Variants in NSUN6 observed in about 807,000 individuals in gnomAD.
NSUN6 encodes the protein tRNA (cytosine(72)-C(5))-methyltransferase NSUN6.
In NSUN6, 64 loss-of-function variants were observed where a neutral mutation model predicts 58.0. The observed-to-expected ratio is 1.10, with a 90% confidence interval of 0.90 to 1.36. NSUN6 has a LOEUF of 1.36. Ranked by LOEUF, NSUN6 falls within the 40% of genes most tolerant of loss-of-function variation. The pLI is 0.00. For missense variants in NSUN6, 701 were observed against 550.1 expected (o/e 1.27, Z -2.74); for synonymous variants, 231 against 193.9 (o/e 1.19, Z -1.59).
intron 3 of NSUN6, among the ~76,000 whole-genome samples, chr10:18,628,701 G>C (rs1246132093): frequency 6.6e-6 from 1 of 152,080 alleles, no homozygotes; most frequent in Admixed American, 6.6e-5. Context: ...GGGAAGTTTA[G>C]AGAAAAAAGA....
intron 6 of NSUN6, among the ~76,000 whole-genome samples, chr10:18,609,133 A>AC (rs890010555): frequency 6.6e-6 from 1 of 152,052 alleles, no homozygotes; most frequent in Non-Finnish European, 1.5e-5. Context: ...ACAAAGTGAG[A>AC]CCCCATCTCT....
At chr10:18,584,197 C>T (rs938017242) in intron 8 of NSUN6, among the ~76,000 whole-genome samples, 3 of 152,208 alleles carry the variant, frequency 2.0e-5, no homozygotes. Flanking sequence ...GCCTGCTTGG[C>T]CACTTTTACA....
At chr10:18,657,609 A>AT (rs749060067), upstream of NSUN6, among the ~76,000 whole-genome samples, 1 of 151,546 alleles carries the variant, frequency 6.6e-6, no homozygotes, top group African/African-American at 2.4e-5. Flanking sequence ...CATTTTCTTT[A>AT]TTTTATTTTT....
At chr10:18,587,249 G>A (rs897299975) in intron 7 of NSUN6, among the ~76,000 whole-genome samples, 7 of 152,086 alleles carry the variant, frequency 4.6e-5, no homozygotes, top group Admixed American at 1.3e-4. Context: ...GCTATTAGAC[G>A]GCGGCCTTAA....
In NSUN6 at chr10:18,585,857, GTATACAAAATTA is replaced by G. The variant is rs1027359026; in HGVS notation, c.922+80_922+91del. 18 of 908,514 alleles carry G rather than the reference GTATACAAAATTA, an allele frequency of 2.0e-5. No homozygotes were observed. In the Admixed American group the frequency reaches 4.4e-4, roughly 22 times the overall value. The allele number at this position is 908,514 out of a possible 1,614,324, so 56.3% of individuals were successfully genotyped here. On this transcript the variant is annotated intron_variant, in intron 8 of 10. Transcript: ENST00000377304. ...TAGCTTGTTTTAATCATTCCACATT[GTATACAAAATTA>G]TATACATGTCAAAACATCACACTGT...
chr10:18,631,780 C>T (rs2059039019), intron 3 of NSUN6, among the ~76,000 whole-genome samples: 1 of 151,604 alleles, frequency 6.6e-6, no homozygotes. Context: ...GAAGAACATT[C>T]CATGCTCATG....
intron 2 of NSUN6, among the ~76,000 whole-genome samples, chr10:18,645,041 C>G (rs2059503197): frequency 6.6e-6 from 1 of 150,874 alleles, no homozygotes; most frequent in East Asian, 2.0e-4. Context: ...ACCTGTAATC[C>G]CAGCTACTCA....
intron 3 of NSUN6, among the ~76,000 whole-genome samples, chr10:18,627,747 G>C (rs1031667469): frequency 6.6e-6 from 1 of 152,244 alleles, no homozygotes; most frequent in African/African-American, 2.4e-5. Flanking sequence ...CCCGCGGCTC[G>C]GAGGGTCCTA....
chr10:18,650,571 A>T (rs1405770444), intron 1 of NSUN6, among the ~76,000 whole-genome samples: 2 of 152,162 alleles, frequency 1.3e-5, no homozygotes, highest in African/African-American at 4.8e-5. Flanking sequence ...ACCTTTGTTC[A>T]TTACACCTGA....
At chr10:18,611,437 T>C (rs970624112) in intron 5 of NSUN6, among the ~76,000 whole-genome samples, 7 of 152,184 alleles carry the variant, frequency 4.6e-5, no homozygotes, top group African/African-American at 1.7e-4. Context: ...GATAAGTTTA[T>C]GTTGGTCTTT....
At chr10:18,551,746 T>C in intron 9 of NSUN6, 77 bp downstream of exon 9, 2 of 1,251,082 alleles carry the variant, frequency 1.6e-6, no homozygotes, top group Non-Finnish European at 2.3e-6. Context: ...AACGCTGCTA[T>C]GGAGATTGCT....
Position 18,551,887 on chromosome 10 carries a change from G to A in NSUN6, c.1007C>T (p.Ala336Val). 1 of 1,612,000 alleles carries A rather than the reference G, an allele frequency of 6.2e-7. No individual in the cohort carries two copies. The highest frequency in any genetic ancestry group is 2.2e-5 in the East Asian group (1 of 44,852). Reference protein sequence around the residue: ...CSGMGQRPNMACTWSVKEVAS... With the variant: ...CSGMGQRPNMVCTWSVKEVAS... Reference sequence around the variant, plus strand: ...CACTTCCTTCACAGACCAAGTACAGGCCATGTTTGGTCTCTGTCCCATTCC... The same window carrying A: ...CACTTCCTTCACAGACCAAGTACAGACCATGTTTGGTCTCTGTCCCATTCC... The change falls in exon 9 of 11, where the codon GCC becomes GTC. Residue 336 changes from alanine to valine, a missense_variant. Physicochemically the swap from Ala to Val is moderately conservative, Grantham distance 64. Transcript: ENST00000377304.
intron 6 of NSUN6, among the ~76,000 whole-genome samples, chr10:18,603,942 G>C (rs751439849): frequency 6.6e-6 from 1 of 152,146 alleles, no homozygotes; most frequent in Non-Finnish European, 1.5e-5. Flanking sequence ...CCAGCACTTT[G>C]GGAGATTAAG....
intron 7 of NSUN6, among the ~76,000 whole-genome samples, chr10:18,587,686 G>C (rs1343364645): frequency 6.6e-6 from 1 of 152,152 alleles, no homozygotes; most frequent in African/African-American, 2.4e-5. Flanking sequence ...AGTGCAAGCA[G>C]CTGGGGGGCC....
intron 6 of NSUN6, among the ~76,000 whole-genome samples, chr10:18,598,897 A>G (rs143549110): frequency 4.0e-4 from 61 of 152,348 alleles, no homozygotes; most frequent in African/African-American, 1.4e-3. Flanking sequence ...CCTAAAAATG[A>G]TAACATTAAT....
intron 7 of NSUN6, among the ~76,000 whole-genome samples, chr10:18,591,970 C>T (rs2057394080): frequency 6.6e-6 from 1 of 152,078 alleles, no homozygotes; most frequent in East Asian, 1.9e-4. Context: ...TAGAAAACCC[C>T]ATCGTCTCAG....
At position 18,638,007 on chromosome 10, in the gene NSUN6, G is replaced by C. The variant is rs536565630; in HGVS notation, c.311+4469C>G. 4.6e-5 allele frequency among the ~76,000 whole-genome samples: 7 copies of C among 152,286 alleles called. No individual in the cohort carries two copies. In the South Asian group the frequency reaches 1.5e-3, roughly 32 times the overall value. ...GAAACAAAATTGGGAGGTGGGACAG[G>C]AGACGTAACAGATGATTACTTTTAT... On this transcript the variant is annotated intron_variant, in intron 3 of 10. Transcript: ENST00000377304.
chr10:18,621,039 G>T (rs921731886), intron 3 of NSUN6, among the ~76,000 whole-genome samples: 3 of 152,224 alleles, frequency 2.0e-5, no homozygotes, highest in Non-Finnish European at 4.4e-5. Context: ...ACTGACATCT[G>T]GGAACTGAGA....
intron 8 of NSUN6, among the ~76,000 whole-genome samples, chr10:18,557,501 T>TGGAGAATAGAATGGAAG (rs1564712458): frequency 3.4e-5 from 5 of 146,150 alleles, no homozygotes; most frequent in Non-Finnish European, 7.5e-5. Flanking sequence ...TGGAATGGAA[T>TGGAGAATAGAATGGAAG]GGAGAATAGA....
Sources: gnomAD v4.1 joint callset for allele counts (sites outside exome capture counted in the v4.1 genomes callset) on GRCh38, gnomAD v4.1.1 for gene constraint, MANE v1.5 for transcripts, NCBI Gene and HGNC (gene_info 2026-07-23, HGNC 2026-07-21) for gene names.